DLG2: variants seen among roughly 807,000 people sequenced by gnomAD.
DLG2 encodes discs large MAGUK scaffold protein 2, also known as disks large homolog 2.
Under a neutral mutation model 132.5 loss-of-function variants are expected in DLG2, and 45 were observed. That is an observed-to-expected ratio of 0.34 (90% confidence interval 0.27 to 0.44). The LOEUF is 0.44. DLG2 is among the 20% of genes least tolerant of loss of function. The probability of loss-of-function intolerance (pLI) is 1.00; values close to 1 mark genes in which losing one functional copy is unlikely to be tolerated. For missense variants in DLG2, 1,045 were observed against 1,196.9 expected, an observed-to-expected ratio of 0.87 and a Z score of 1.87; for synonymous variants, 424 against 419.6, an observed-to-expected ratio of 1.01 and a Z score of -0.13.
intron 17 of DLG2, among the ~76,000 whole-genome samples, chr11:83,802,557 T>C (rs1454431742): frequency 1.3e-5 from 2 of 152,182 alleles, no homozygotes; most frequent in African/African-American, 4.8e-5. Context: ...CTTAGTTTTT[T>C]TGTGATTTCT....
At chr11:84,187,625 C>T (rs181261464) in intron 8 of DLG2, among the ~76,000 whole-genome samples, 3 of 151,954 alleles carry the variant, frequency 2.0e-5, no homozygotes, top group Non-Finnish European at 2.9e-5. Context: ...AAAATTTTAT[C>T]TCAATGTTGC....
intron 7 of DLG2, among the ~76,000 whole-genome samples, chr11:84,377,311 G>C (rs1160525337): frequency 1.3e-5 from 2 of 151,796 alleles, no homozygotes; most frequent in East Asian, 3.9e-4. Flanking sequence ...AAAAAGGAAG[G>C]ACCTATTCTA....
chr11:85,610,280 A>C (rs1397056249), intron 2 of DLG2, among the ~76,000 whole-genome samples: 2 of 152,330 alleles, frequency 1.3e-5, no homozygotes, highest in African/African-American at 4.8e-5. Context: ...TAGGAGTACA[A>C]AAACTGAATG....
intron 3 of DLG2, among the ~76,000 whole-genome samples, chr11:85,450,955 C>T (rs1209538141): frequency 6.6e-6 from 1 of 152,080 alleles, no homozygotes; most frequent in Non-Finnish European, 1.5e-5. Context: ...CCTCAATCTA[C>T]ATTCTCATCC....
intron 11 of DLG2, among the ~76,000 whole-genome samples, chr11:83,999,964 A>C (rs2094257787): frequency 6.6e-6 from 1 of 152,168 alleles, no homozygotes; most frequent in Admixed American, 6.5e-5. Context: ...CATTAAAAAA[A>C]AAAACTCAAT....
At chr11:83,530,876 G>A (rs566090057) in intron 21 of DLG2, among the ~76,000 whole-genome samples, 1 of 152,046 alleles carries the variant, frequency 6.6e-6, no homozygotes, top group East Asian at 1.9e-4. Context: ...AAGGTTGCAG[G>A]ATATAAGATT....
chr11:84,287,955 G>A (rs1273915454), intron 7 of DLG2, among the ~76,000 whole-genome samples: 1 of 127,192 alleles, frequency 7.9e-6, no homozygotes, highest in Non-Finnish European at 1.6e-5. Context: ...AATGGAGTTT[G>A]GATTAAAAAA....
At chr11:85,505,599 T>C (rs879232019) in intron 3 of DLG2, among the ~76,000 whole-genome samples, 1 of 152,222 alleles carries the variant, frequency 6.6e-6, no homozygotes, top group Admixed American at 6.5e-5. Flanking sequence ...AGATTTCTGA[T>C]GTGCTGCTGG....
chr11:85,319,797 C>G (rs1030542614), intron 3 of DLG2, among the ~76,000 whole-genome samples: 1 of 151,768 alleles, frequency 6.6e-6, no homozygotes, highest in Admixed American at 6.6e-5. Context: ...AGATATAAGT[C>G]TTAAAATCCT....
At chr11:84,866,265 T>C (rs907577317) in intron 6 of DLG2, among the ~76,000 whole-genome samples, 1 of 152,222 alleles carries the variant, frequency 6.6e-6, no homozygotes, top group Non-Finnish European at 1.5e-5. Flanking sequence ...CAAGTATGTG[T>C]CTGTCCCTTC....
intron 6 of DLG2, among the ~76,000 whole-genome samples, chr11:84,566,840 C>G (rs1340274629): frequency 6.6e-6 from 1 of 152,114 alleles, no homozygotes; most frequent in Non-Finnish European, 1.5e-5. Context: ...ATAAAAAACC[C>G]TGATGCAGTC....
At chr11:85,569,006 T>C (rs947516153) in intron 3 of DLG2, among the ~76,000 whole-genome samples, 2 of 152,068 alleles carry the variant, frequency 1.3e-5, no homozygotes, top group Non-Finnish European at 2.9e-5. Flanking sequence ...GGTCATTTAT[T>C]TGAGATCATT....
intron 10 of DLG2, among the ~76,000 whole-genome samples, chr11:84,090,462 T>C (rs910729164): frequency 1.3e-5 from 2 of 149,340 alleles, no homozygotes; most frequent in Admixed American, 6.7e-5. Flanking sequence ...CAAATTTTAA[T>C]GACTACTCTA....
At chr11:84,719,723 C>A (rs775188150) in intron 6 of DLG2, among the ~76,000 whole-genome samples, 3 of 152,154 alleles carry the variant, frequency 2.0e-5, no homozygotes, top group Non-Finnish European at 4.4e-5. Flanking sequence ...AACTGCGCCA[C>A]CTCTTGATAA....
intron 17 of DLG2, chr11:83,790,598 A>G: frequency 7.5e-7 from 1 of 1,326,238 alleles, no homozygotes; most frequent in Non-Finnish European, 1.1e-6. Context: ...CAGTAAGTCC[A>G]CTGAAGTTCC....
chr11:84,618,452 G>A (rs1417521775), intron 6 of DLG2, among the ~76,000 whole-genome samples: 1 of 152,018 alleles, frequency 6.6e-6, no homozygotes, highest in Non-Finnish European at 1.5e-5. Flanking sequence ...GTAAGAATAT[G>A]AGAAAAATAA....
intron 9 of DLG2, among the ~76,000 whole-genome samples, chr11:84,119,178 C>A: frequency 6.6e-6 from 1 of 151,742 alleles, no homozygotes; most frequent in East Asian, 1.9e-4. Context: ...GAGTTGAAAA[C>A]GACAGCTTCT....
chr11:84,467,246 C>T (rs10898240), intron 7 of DLG2, among the ~76,000 whole-genome samples: 56,523 of 151,202 alleles, frequency 0.37, 14,049 homozygotes, highest in African/African-American at 0.71. Context: ...AGAATGATAA[C>T]GCTTTTTTAA....
chr11:83,914,011 A>G (rs960974575), intron 15 of DLG2, among the ~76,000 whole-genome samples: 1 of 152,168 alleles, frequency 6.6e-6, no homozygotes, highest in African/African-American at 2.4e-5. Flanking sequence ...GATAATATGG[A>G]AAGACTGCAG....
Sources: gnomAD v4.1 joint callset for allele counts (sites outside exome capture counted in the v4.1 genomes callset) on GRCh38, gnomAD v4.1.1 for gene constraint, MANE v1.5 for transcripts, NCBI Gene and HGNC (gene_info 2026-07-23, HGNC 2026-07-21) for gene names.